Variants in INO80 observed in about 807,000 individuals in gnomAD.
INO80 encodes INO80 complex ATPase subunit.
INO80 carries 20 observed loss-of-function variants against 203.4 expected under a neutral mutation model. The ratio of observed to expected loss-of-function variants is 0.10; its 90% confidence interval spans 0.07 to 0.14. The LOEUF (loss-of-function observed/expected upper bound fraction) is 0.14. INO80 is among the 10% of genes least tolerant of loss of function. The probability of loss-of-function intolerance (pLI) is 1.00; values close to 1 mark genes in which losing one functional copy is unlikely to be tolerated. For synonymous variants in INO80, 726 were observed against 685.2 expected, an observed-to-expected ratio of 1.06 and a Z score of -0.93; for missense variants, 1,419 against 1,914.4, an observed-to-expected ratio of 0.74 and a Z score of 4.83.
chr15:40,994,822 T>C (rs73385892), intron 29 of INO80, among the ~76,000 whole-genome samples: 9,865 of 152,254 alleles, frequency 0.065, 924 homozygotes, highest in African/African-American at 0.21. Flanking sequence ...TGGTGGATGC[T>C]CATTAAACAT....
chr15:41,067,535 G>C (rs1385510827), intron 14 of INO80, among the ~76,000 whole-genome samples: 1 of 152,126 alleles, frequency 6.6e-6, no homozygotes, highest in East Asian at 1.9e-4. Context: ...ATCTCAGCAA[G>C]ATGAAAATGA....
rs574226386 is a variant in INO80 at position 41,033,930 on chromosome 15, C to T, written c.2908-6194G>A. 3.3e-3 allele frequency among the ~76,000 whole-genome samples: 506 copies of T among 151,544 alleles called. 3 individuals are homozygous for T. The highest frequency in any genetic ancestry group is 0.01 in the Middle Eastern group (3 of 290). On this transcript the variant is annotated intron_variant, in intron 24 of 35. Coordinates refer to ENST00000648947, the MANE Select transcript of INO80 (RefSeq NM_017553.3). ...CAAAAAAATTAGCCGGGCGTGGTGG[C>T]AGGCGCCTGTAGTCCCAGCTTCTCG...
intron 15 of INO80, 46 bp downstream of exon 15, chr15:41,059,821 G>T: frequency 8.4e-7 from 1 of 1,195,184 alleles, no homozygotes; most frequent in South Asian, 1.4e-5. Context: ...GAGAAATAAT[G>T]ACTGCATGTA....
chr15:41,080,753 G>T (rs1036267858), intron 8 of INO80, among the ~76,000 whole-genome samples: 5 of 152,158 alleles, frequency 3.3e-5, no homozygotes, highest in African/African-American at 1.2e-4. Context: ...TCGGGAGGCT[G>T]AGATGGGAGA....
At chr15:41,072,085 G>C in intron 11 of INO80, 27 bp from the exon 12 acceptor site, 4 of 859,724 alleles carry the variant, frequency 4.7e-6, no homozygotes, top group Non-Finnish European at 6.4e-6. Flanking sequence ...AAAAAAATTA[G>C]AAAAAAAAAA....
chr15:41,057,313 C>A (rs1311034462), intron 16 of INO80, among the ~76,000 whole-genome samples: 1 of 151,550 alleles, frequency 6.6e-6, no homozygotes, highest in Non-Finnish European at 1.5e-5. Context: ...AAAATTAGCC[C>A]AGCATGGTGG....
chr15:41,009,963 C>A (rs2044109270), intron 27 of INO80, among the ~76,000 whole-genome samples: 1 of 152,120 alleles, frequency 6.6e-6, no homozygotes, highest in African/African-American at 2.4e-5. Flanking sequence ...CGGAACCCCT[C>A]TAATATATAA....
chr15:41,025,994 A>C (rs944711735), intron 25 of INO80, among the ~76,000 whole-genome samples: 1 of 152,236 alleles, frequency 6.6e-6, no homozygotes, highest in Non-Finnish European at 1.5e-5. Flanking sequence ...GAAGAACAGG[A>C]TATGTACAAA....
In INO80 at chr15:41,068,383, G is replaced by A. The variant is rs941908671; in HGVS notation, c.1782+1187C>T. On this transcript the variant is annotated intron_variant, in intron 14 of 35. Coordinates refer to ENST00000648947, the MANE Select transcript of INO80 (RefSeq NM_017553.3). The stretch of plus-strand genomic sequence containing the variant: ...CAGCCTGACCAACATCGTCAGTAGA[G>A]AAACCCCGTCTCTACTAAAAATACA... Among the ~76,000 whole-genome samples, 7 of 151,862 alleles carry A rather than the reference G, an allele frequency of 4.6e-5. No homozygotes were observed. The East Asian group carries it at 1.4e-3, about 29-fold the overall frequency.
intron 20 of INO80, 40 bp downstream of exon 20, chr15:41,049,895 C>A: frequency 6.4e-7 from 1 of 1,567,762 alleles, no homozygotes; most frequent in Non-Finnish European, 8.7e-7. Context: ...TCTCAAAAAA[C>A]AAAAAACAAA....
chr15:40,980,519 G>T, intron 35 of INO80, 79 bp from the exon 36 acceptor site: 1 of 1,071,092 alleles, frequency 9.3e-7, no homozygotes, highest in Non-Finnish European at 1.4e-6. Context: ...TTGGTTACCA[G>T]AGTCTGAGCT....
intron 1 of INO80, among the ~76,000 whole-genome samples, chr15:41,106,548 T>C (rs142936976): frequency 3.0e-3 from 444 of 150,000 alleles, no homozygotes; most frequent in African/African-American, 0.01. Flanking sequence ...GGTGGGAGGA[T>C]AGCTTGAGTC....
chr15:41,073,259 A>G (rs1055050340), intron 11 of INO80, among the ~76,000 whole-genome samples, 169 bp downstream of exon 11: 13 of 152,136 alleles, frequency 8.5e-5, no homozygotes, highest in African/African-American at 3.1e-4. Context: ...TCTAAAGTGA[A>G]AGAGACCCAG....
chr15:41,055,172 A>C, intron 18 of INO80, 75 bp downstream of exon 18: 1 of 757,728 alleles, frequency 1.3e-6, no homozygotes, highest in Non-Finnish European at 2.1e-6. Context: ...AATTATTCAA[A>C]TAAAAGAAAA....
At chr15:41,089,192 T>TA (rs555365047) in intron 5 of INO80, among the ~76,000 whole-genome samples, 85 of 151,724 alleles carry the variant, frequency 5.6e-4, no homozygotes, top group African/African-American at 2.0e-3. Flanking sequence ...TCTCAAAAAA[T>TA]AAAACAAAAA....
chr15:41,097,096 T>C (rs1176273722), intron 1 of INO80, among the ~76,000 whole-genome samples: 1 of 151,908 alleles, frequency 6.6e-6, no homozygotes, highest in African/African-American at 2.4e-5. Context: ...TTCTTGTTTG[T>C]TTTTGTTTTT....
chr15:41,058,568 TGC>T (rs58904256), intron 16 of INO80, 69 bp downstream of exon 16: 224,547 of 828,762 alleles, frequency 0.27, 11,549 homozygotes, highest in African/African-American at 0.34. Flanking sequence ...TGTGTGTGTG[TGC>T]GTGTGTGTGT....
intron 1 of INO80, 119 bp downstream of exon 1, chr15:41,115,854 C>T (rs1440395890): frequency 2.7e-6 from 1 of 372,130 alleles, no homozygotes. Context: ...CCCAACAAAT[C>T]CAAGGGCCGG....
At chr15:41,115,500 C>T (rs898161218) in intron 1 of INO80, among the ~76,000 whole-genome samples, 1 of 152,232 alleles carries the variant, frequency 6.6e-6, no homozygotes, top group South Asian at 2.1e-4. Flanking sequence ...CGTATCTCAA[C>T]TTGCCCCTTA....
Sources: allele counts gnomAD v4.1 joint callset (sites outside exome capture counted in the v4.1 genomes callset), GRCh38; gene constraint gnomAD v4.1.1; transcripts MANE v1.5; gene names NCBI Gene and HGNC (gene_info 2026-07-23, HGNC 2026-07-21).